The following SHPRH variants were observed in gnomAD, a reference collection of about 807,000 sequenced individuals.
SHPRH encodes E3 ubiquitin-protein ligase SHPRH.
A neutral mutation model predicts 202.5 loss-of-function variants in SHPRH; 106 were observed. The ratio of observed to expected loss-of-function variants is 0.52; its 90% CI spans 0.45 to 0.62. The LOEUF (loss-of-function observed/expected upper bound fraction) is 0.62, where lower values mean the gene tolerates loss of function less well. SHPRH is among the 20% of genes least tolerant of loss of function. SHPRH has a pLI of 0.00. For missense variants in SHPRH, 1,710 were observed against 2,020.0 expected (o/e 0.85, Z 2.94); for synonymous variants, 729 against 686.0 (o/e 1.06, Z -0.98).
Position 145,926,759 on chromosome 6 carries a change from T to A in SHPRH, c.3201+430A>T, listed in dbSNP as rs376284098. Among the ~76,000 whole-genome samples, 14 of 152,046 alleles carry A rather than the reference T, an allele frequency of 9.2e-5. 1 individual carries two copies. Among genetic ancestry groups the A allele is most frequent in the African/African-American group, 3.4e-4 (14 of 41,532 alleles). ...ACAGATCCAAGAAGGGAAAGAGAAATAAGTGTTATAATTAAAATATCCAAA... is the reference window on the plus strand; with the variant it reads ...ACAGATCCAAGAAGGGAAAGAGAAAAAAGTGTTATAATTAAAATATCCAAA... On this transcript the variant is annotated intron_variant, in intron 15 of 29. Coordinates refer to ENST00000275233, the MANE Select transcript of SHPRH (RefSeq NM_001042683.3).
chr6:145,874,315 ATCAAAACTTTACTTC>A (rs1011869921), intron 2 of SHPRH, among the ~76,000 whole-genome samples: 4 of 152,156 alleles, frequency 2.6e-5, no homozygotes, highest in Non-Finnish European at 4.4e-5. Context: ...AGTACACCGT[ATCAAAACTTTACTTC>A]ATCTTTCATT....
Position 145,946,400 on chromosome 6 carries a change from T to A in SHPRH, c.1213-59A>T, listed in dbSNP as rs180993942. ...TTTTGCTTTCAGTATTCTGAATTGC[T>A]TATTGAAATTAACTTTCCTTCTTTA... On this transcript the variant is annotated intron_variant, in intron 6 of 29. Transcript: ENST00000275233. 1,405 of 1,321,794 alleles carry A rather than the reference T, an allele frequency of 1.1e-3. 6 individuals carry two copies. The highest frequency in any genetic ancestry group is 1.1e-3 in the Non-Finnish European group (1,019 of 969,018). The allele number at this position is 1,321,794 out of a possible 1,614,324, so 81.9% of individuals were successfully genotyped here.
rs1784111198 is a variant in SHPRH at position 145,918,113 on chromosome 6, A to C, written c.4254+18T>G. ...ATAATGCAGCATAGGAAAAAGTAGC[A>C]TGTCTTAGAAACAATACCTTCTCCA... On this transcript the variant is annotated intron_variant, in intron 23 of 29. Transcript: ENST00000275233. 1 of 1,580,716 alleles carries C rather than the reference A, an allele frequency of 6.3e-7. No individual in the cohort carries two copies. Among genetic ancestry groups the C allele is most frequent in the African/African-American group, 1.4e-5 (1 of 73,500 alleles).
chr6:145,946,195 T>C (rs751073309), intron 7 of SHPRH, 38 bp downstream of exon 7: 2 of 1,484,206 alleles, frequency 1.3e-6, no homozygotes, highest in South Asian at 1.2e-5. Context: ...CAAAGATCAC[T>C]ATAAGAAGGT....
At chr6:145,912,646 ATAAAG>A (rs1199957846) in intron 24 of SHPRH, among the ~76,000 whole-genome samples, 1 of 152,080 alleles carries the variant, frequency 6.6e-6, no homozygotes, top group Non-Finnish European at 1.5e-5. Context: ...GTATTAGCAA[ATAAAG>A]TATTCTTGTG....
chr6:145,932,958 G>T, intron 14 of SHPRH, 99 bp downstream of exon 14: 2 of 1,304,036 alleles, frequency 1.5e-6, no homozygotes, highest in Non-Finnish European at 1.0e-6. Flanking sequence ...CTTTTTGGGG[G>T]AAAAATCCCC....
rs764692232 is a variant in SHPRH at position 145,943,548 on chromosome 6, A to G, written c.1833T>C (p.Asp611=). The part of the protein sequence containing the change: ...CPATSDSGIT[D]VAMSKSTCIS... Reference sequence around the variant, plus strand: ...TACATGTACTTTTAGACATAGCAACATCAGTTATTCCAGAGTCGCTAGTAG... The same window carrying G: ...TACATGTACTTTTAGACATAGCAACGTCAGTTATTCCAGAGTCGCTAGTAG... Residue 611 remains aspartate (D), a synonymous_variant, in exon 9 of 30, where the codon GAT becomes GAC. Transcript: ENST00000275233. 4.3e-6 allele frequency: 7 copies of G among 1,614,042 alleles called. No homozygotes were observed. Among genetic ancestry groups the G allele is most frequent in the South Asian group, 3.3e-5 (3 of 91,086 alleles).
At chr6:145,872,863 A>G (rs1053004356) in intron 2 of SHPRH, among the ~76,000 whole-genome samples, 3 of 152,244 alleles carry the variant, frequency 2.0e-5, no homozygotes, top group Non-Finnish European at 2.9e-5. Context: ...ATAAAAAGGA[A>G]TCAGGTCATG....
chr6:145,950,784 A>C lies in SHPRH; in HGVS notation c.764-302T>G, dbSNP rs371859896. On this transcript the variant is annotated intron_variant, in intron 3 of 29. Coordinates refer to ENST00000275233, the MANE Select transcript of SHPRH (RefSeq NM_001042683.3). ...AATCTATCTGGTACTGCAAACATTT[A>C]TGTCCACTGGTCCTTTCCCCAGGGT... Among the ~76,000 whole-genome samples, 5 of 152,186 alleles carry C rather than the reference A, an allele frequency of 3.3e-5. No individual in the cohort carries two copies. In the South Asian group the frequency reaches 1.0e-3, roughly 31 times the overall value.
At chr6:145,912,304 C>G (rs1783566565) in intron 24 of SHPRH, among the ~76,000 whole-genome samples, 1 of 151,868 alleles carries the variant, frequency 6.6e-6, no homozygotes, top group African/African-American at 2.4e-5. Flanking sequence ...TAAGTATGAA[C>G]AGAGCTTGAA....
chr6:145,955,298 G>A lies in SHPRH; in HGVS notation c.25C>T (p.Pro9Ser). Residue 9 changes from proline (P) to serine (S), a missense_variant, in exon 2 of 30, where the codon CCT (proline) becomes TCT (serine). By Grantham distance (74) the Pro-to-Ser change is moderately conservative. This residue lies in a region of SHPRH where 459 missense variants were observed against 426.5 expected (regional missense o/e 1.08). Coordinates refer to ENST00000275233, the MANE Select transcript of SHPRH (RefSeq NM_001042683.3). ...TTTTCCTCATCTACCCTCACTGGAG[G>A]AGCACGTTTCCGTCGGCTGCTCATT... MSSRRKRA[P>S]PVRVDEEKRQ... The A allele has an allele frequency of 6.2e-7, 1 of 1,601,404 alleles. No individual in the cohort carries two copies. The highest frequency in any genetic ancestry group is 8.5e-7 in the Non-Finnish European group (1 of 1,174,412).
intron 28 of SHPRH, among the ~76,000 whole-genome samples, chr6:145,891,269 C>T (rs527895626): frequency 6.6e-6 from 1 of 152,250 alleles, no homozygotes; most frequent in African/African-American, 2.4e-5. Flanking sequence ...TAACATACCA[C>T]ACTCCTGATT....
In SHPRH at chr6:145,950,395, T is replaced by A; in HGVS notation, c.851A>T (p.His284Leu). ...TTGGATGGACTGCGTTTCTTGCTGATGTGTTTGTTTCACAAAGTGATACAG... is the reference window on the plus strand; with the variant it reads ...TTGGATGGACTGCGTTTCTTGCTGAAGTGTTTGTTTCACAAAGTGATACAG... ...DELYHFVKQT[H>L]QQETQSIQVD... The change falls in exon 4 of 30, where the codon CAT becomes CTT. Residue 284 changes from histidine (H) to leucine (L), a missense_variant. This residue lies in a region of SHPRH where 459 missense variants were observed against 426.5 expected (regional missense o/e 1.08). Transcript: ENST00000275233. 2 of 1,613,354 alleles carry A rather than the reference T, an allele frequency of 1.2e-6. No homozygotes were observed. Among genetic ancestry groups the A allele is most frequent in the South Asian group, 1.1e-5 (1 of 91,078 alleles).
chr6:145,934,268 A>G (rs1458835574), intron 13 of SHPRH, among the ~76,000 whole-genome samples: 1 of 151,796 alleles, frequency 6.6e-6, no homozygotes, highest in African/African-American at 2.4e-5. Context: ...GGAGTTCAAG[A>G]CCAGCCTGAC....
At position 145,893,367 on chromosome 6, in the gene SHPRH, A is replaced by G. The variant is rs1365273292; in HGVS notation, c.4722T>C (p.Asp1574=). 5 of 1,593,182 alleles carry G rather than the reference A, an allele frequency of 3.1e-6. No individual in the cohort carries two copies. Among genetic ancestry groups the G allele is most frequent in the Non-Finnish European group, 4.3e-6 (5 of 1,172,948 alleles). Residue 1574 remains aspartate (D), a synonymous_variant, in exon 28 of 30, where the codon GAT becomes GAC. Transcript: ENST00000275233. ...FQENLSAFKR[D]PQINILLLPL... is the part of the protein sequence containing the mutation. ...GCAGCAGCAAAATATTGATTTGGGG[A>G]TCACGTTTAAATGCTGAAAGGTTCT...
intron 28 of SHPRH, among the ~76,000 whole-genome samples, chr6:145,891,516 C>T (rs368404950): frequency 1.1e-4 from 16 of 152,102 alleles, no homozygotes; most frequent in Non-Finnish European, 2.4e-4. Context: ...TTCTGTCTAC[C>T]AACCCCATTA....
chr6:145,924,981 T>A lies in SHPRH; in HGVS notation c.3295-135A>T, dbSNP rs559337378. ...TTTAAACATAAAAGTCCAAGTATACTGTAGAGAACATAAAAGTCACGCTAA... is the reference window on the plus strand; with the variant it reads ...TTTAAACATAAAAGTCCAAGTATACAGTAGAGAACATAAAAGTCACGCTAA... On this transcript the variant is annotated intron_variant, in intron 16 of 29. Coordinates refer to ENST00000275233, the MANE Select transcript of SHPRH (RefSeq NM_001042683.3). 12 of 530,770 alleles carry A rather than the reference T, an allele frequency of 2.3e-5. No individual in the cohort carries two copies. In the South Asian group the frequency reaches 7.2e-4, roughly 32 times the overall value. The allele number at this position is 530,770 out of a possible 1,614,324, so 32.9% of individuals were successfully genotyped here. A position where few individuals can be genotyped will look rare whatever the true frequency, so the allele number is the denominator to read the frequency against.
At chr6:145,907,110 T>C (rs1783032061) in intron 25 of SHPRH, 1 of 152,156 alleles carries the variant, frequency 6.6e-6, no homozygotes, top group Non-Finnish European at 1.5e-5. Context: ...ATAGTTCTAC[T>C]TGGATGTCTT....
chr6:145,921,279 C>T lies in SHPRH; in HGVS notation c.3896G>A (p.Arg1299Gln), dbSNP rs755731419. The T allele has an allele frequency of 4.3e-6, 7 of 1,612,932 alleles. No homozygotes were observed. The highest frequency in any genetic ancestry group is 1.3e-5 in the African/African-American group (1 of 74,948). Reference sequence around the variant, plus strand: ...AAATGATAGTATTGCTTTCATAGATCGCTCTGTCTCACTTATTGCCCAGAG... The same window carrying T: ...AAATGATAGTATTGCTTTCATAGATTGCTCTGTCTCACTTATTGCCCAGAG... ...RGLWAISETE[R>Q]SMKAILSFAK... is the part of the protein sequence containing the mutation. Residue 1299 changes from arginine (R) to glutamine (Q), a missense_variant, in exon 21 of 30, where the codon CGA becomes CAA. This residue lies in a region of SHPRH where 306 missense variants were observed against 479.5 expected (regional missense o/e 0.64). Transcript: ENST00000275233.
Sources: gnomAD v4.1 joint callset for allele counts (sites outside exome capture counted in the v4.1 genomes callset) on GRCh38, gnomAD v4.1.1 for gene constraint, gnomAD v4.1.1 regional missense constraint, MANE v1.5 for transcripts, NCBI Gene and HGNC (gene_info 2026-07-23, HGNC 2026-07-21) for gene names.